The following RAD52 variants were observed in gnomAD, a reference collection of about 807,000 sequenced individuals.
RAD52 encodes the protein DNA repair protein RAD52 homolog.
Under a neutral mutation model 55.5 loss-of-function variants are expected in RAD52, and 47 were observed. That is an observed-to-expected ratio of 0.85 (90% confidence interval 0.67 to 1.08). The LOEUF is 1.08. Among genes scored for constraint, RAD52 ranks in the 50% least tolerant of loss-of-function variants. RAD52 has a pLI of 0.00. For synonymous variants in RAD52, 184 were observed against 198.9 expected (o/e 0.92, Z 0.63); for missense variants, 468 against 522.8 (o/e 0.90, Z 1.02).
chr12:924,237 G>A (rs1251486752), intron 7 of RAD52, among the ~76,000 whole-genome samples: 3 of 151,618 alleles, frequency 2.0e-5, no homozygotes, highest in Admixed American at 2.0e-4. Context: ...GTGAAACCCC[G>A]TCTCTACTAA....
intron 1 of RAD52, among the ~76,000 whole-genome samples, chr12:969,799 A>G (rs2154121164): frequency 6.6e-6 from 1 of 152,020 alleles, no homozygotes; most frequent in South Asian, 2.1e-4. Context: ...CTTAAAAAAA[A>G]AAAAAGATTT....
At chr12:963,184 G>A (rs1207691900) in intron 1 of RAD52, among the ~76,000 whole-genome samples, 1 of 152,102 alleles carries the variant, frequency 6.6e-6, no homozygotes, top group African/African-American at 2.4e-5. Flanking sequence ...GAAAAGTATG[G>A]GTGGTTTTCG....
At chr12:957,459 T>C (rs1297900376) in intron 1 of RAD52, among the ~76,000 whole-genome samples, 1 of 122,628 alleles carries the variant, frequency 8.2e-6, no homozygotes, top group Non-Finnish European at 1.7e-5. Flanking sequence ...AGAGTAAAAC[T>C]TCGTCTCAAA....
In RAD52 at chr12:982,634, A is replaced by G. The variant is rs1157724094; in HGVS notation, c.-19+7175T>C. Among the ~76,000 whole-genome samples the G allele has an allele frequency of 3.4e-5, 5 of 145,806 alleles. No individual in the cohort carries two copies. In the South Asian group the frequency reaches 6.5e-4, roughly 19 times the overall value. ...ACCTTTATTCCTTACTCCTACCAAC[A>G]ATCTCTTCAAGACAATCTAGACTTT... On this transcript the variant is annotated intron_variant, in intron 1 of 11. Coordinates refer to the RAD52 transcript ENST00000430095.
intron 1 of RAD52, among the ~76,000 whole-genome samples, chr12:970,364 A>G (rs953199255): frequency 2.6e-5 from 4 of 151,020 alleles, no homozygotes; most frequent in Admixed American, 6.6e-5. Flanking sequence ...TCCTACTCAC[A>G]TTCCTTTTGG....
intron 1 of RAD52, among the ~76,000 whole-genome samples, chr12:978,890 GTAGA>G (rs55957803): frequency 1.8e-4 from 27 of 149,514 alleles, no homozygotes; most frequent in Middle Eastern, 3.4e-3. Context: ...TAGATGATAG[GTAGA>G]TAGATAGATA....
chr12:971,645 G>C (rs1409107059), intron 1 of RAD52, among the ~76,000 whole-genome samples: 1 of 152,086 alleles, frequency 6.6e-6, no homozygotes, highest in Non-Finnish European at 1.5e-5. Context: ...AATTTTGCTA[G>C]TCTTTTCTAT....
chr12:961,309 C>CAAAAAAAAAAAAAAAGAAAAAAAA (rs1958681005), intron 1 of RAD52, among the ~76,000 whole-genome samples: 1 of 33,810 alleles, frequency 3.0e-5, no homozygotes, highest in African/African-American at 1.0e-4. Flanking sequence ...GACTCCATCT[C>CAAAAAAAAAAAAAAAGAAAAAAAA]AAAAAAAAAA....
intron 1 of RAD52, among the ~76,000 whole-genome samples, chr12:965,898 C>G (rs544363113): frequency 6.6e-6 from 1 of 152,144 alleles, no homozygotes; most frequent in Admixed American, 6.5e-5. Flanking sequence ...GTTGGCCAGG[C>G]TGATCTCGAA....
intron 1 of RAD52, among the ~76,000 whole-genome samples, chr12:940,024 G>A (rs1370498856): frequency 2.6e-5 from 4 of 151,796 alleles, no homozygotes; most frequent in African/African-American, 9.7e-5. Flanking sequence ...GCAGTGAGCA[G>A]AGATCACACC....
At chr12:921,068 A>C (rs1366283516) in intron 7 of RAD52, among the ~76,000 whole-genome samples, 1 of 152,224 alleles carries the variant, frequency 6.6e-6, no homozygotes, top group Non-Finnish European at 1.5e-5. Context: ...AAGCCAACTT[A>C]GAAGAATTCC....
At chr12:916,577 T>G in intron 8 of RAD52, 62 bp downstream of exon 8, 1 of 1,596,614 alleles carries the variant, frequency 6.3e-7, no homozygotes. Flanking sequence ...GAGGCCTGAG[T>G]GGAGGCAGCC....
chr12:984,516 GACT>G (rs1959060487), intron 1 of RAD52, among the ~76,000 whole-genome samples: 1 of 151,076 alleles, frequency 6.6e-6, no homozygotes. Flanking sequence ...CTATAAATTT[GACT>G]ACTTTAGGTA....
At chr12:965,373 ATTGTT>A (rs2154120906) in intron 1 of RAD52, among the ~76,000 whole-genome samples, 1 of 152,112 alleles carries the variant, frequency 6.6e-6, no homozygotes, top group Non-Finnish European at 1.5e-5. Context: ...ACTGCTTTGT[ATTGTT>A]ATGTATTAGA....
chr12:990,409 G>C (rs1489384748), upstream of RAD52: 1 of 151,938 alleles, frequency 6.6e-6, no homozygotes, highest in Non-Finnish European at 1.5e-5. Flanking sequence ...GAGTCTGCAC[G>C]AGAAAATCGG....
chr12:928,884 C>G (rs1235411421), intron 5 of RAD52, among the ~76,000 whole-genome samples: 2 of 152,040 alleles, frequency 1.3e-5, no homozygotes, highest in Non-Finnish European at 2.9e-5. Flanking sequence ...AGTAAGGCTA[C>G]CGATAAAACT....
At chr12:929,794 C>T (rs1455385411) in intron 5 of RAD52, 25 bp downstream of exon 5, 1 of 1,601,382 alleles carries the variant, frequency 6.2e-7, no homozygotes, top group Non-Finnish European at 8.6e-7. Flanking sequence ...TCCTTCCGGG[C>T]AGCAGGTCTA....
chr12:975,181 C>T (rs1958919343), intron 1 of RAD52: 1 of 126,822 alleles, frequency 7.9e-6, no homozygotes, highest in East Asian at 2.4e-4. Context: ...TTGGTACTAT[C>T]CATGGTTTCA....
At position 945,442 on chromosome 12, in the gene RAD52, CT is replaced by C. The variant is rs796786546; in HGVS notation, c.-19+4159del. Among the ~76,000 whole-genome samples, 640 of 146,178 alleles carry C rather than the reference CT, an allele frequency of 4.4e-3. 3 individuals carry two copies. The highest frequency in any genetic ancestry group is 6.3e-3 in the Non-Finnish European group (419 of 66,180). On this transcript the variant is annotated intron_variant, in intron 1 of 11. Coordinates refer to ENST00000358495, the MANE Select transcript of RAD52 (RefSeq NM_134424.4). ...CAGCTCACCACACTCTGAAGTATGTCTTTTTTTTTTTGAGGGGGAGACACTC... is the reference window on the plus strand; with the variant it reads ...CAGCTCACCACACTCTGAAGTATGTCTTTTTTTTTTGAGGGGGAGACACTC...
Sources: allele counts gnomAD v4.1 joint callset (sites outside exome capture counted in the v4.1 genomes callset), GRCh38; gene constraint gnomAD v4.1.1; transcripts MANE v1.5; gene names NCBI Gene and HGNC (gene_info 2026-07-23, HGNC 2026-07-21).